Variants in DOCK8 observed in about 807,000 individuals in gnomAD.
DOCK8 encodes the protein dedicator of cytokinesis 8.
A neutral mutation model predicts 245.6 loss-of-function variants in DOCK8; 141 were observed. The observed-to-expected ratio is 0.57, with a 90% CI of 0.50 to 0.66. DOCK8 has a LOEUF of 0.66. DOCK8 is among the 30% of genes least tolerant of loss of function. The probability of loss-of-function intolerance (pLI) is 0.00; values close to 1 mark genes in which losing one functional copy is unlikely to be tolerated. For missense variants in DOCK8, 2,965 were observed against 2,603.4 expected (o/e 1.14, Z -3.02); for synonymous variants, 1,168 against 970.2 (o/e 1.20, Z -3.79).
intron 15 of DOCK8, chr9:369,802 G>T: frequency 4.1e-6 from 1 of 242,966 alleles, no homozygotes; most frequent in Non-Finnish European, 8.1e-6. Flanking sequence ...TGTAGTCCCA[G>T]CACTTTTTTT....
At chr9:442,956 A>G (rs2131820561) in intron 42 of DOCK8, among the ~76,000 whole-genome samples, 1 of 152,338 alleles carries the variant, frequency 6.6e-6, no homozygotes, top group African/African-American at 2.4e-5. Context: ...TGGCTGGGTG[A>G]GTTGCCCCAA....
chr9:244,011 C>T (rs984216500), intron 1 of DOCK8, among the ~76,000 whole-genome samples: 13 of 151,704 alleles, frequency 8.6e-5, no homozygotes, highest in African/African-American at 2.2e-4. Flanking sequence ...GGTGAAACCC[C>T]GTCTCTACTA....
At chr9:382,232 A>G (rs2053749152) in intron 21 of DOCK8, among the ~76,000 whole-genome samples, 1 of 152,142 alleles carries the variant, frequency 6.6e-6, no homozygotes, top group South Asian at 2.1e-4. Flanking sequence ...CCATTTCCCG[A>G]TGGCAGTAAT....
chr9:415,969 G>C (rs2055987583), intron 29 of DOCK8, among the ~76,000 whole-genome samples: 1 of 152,178 alleles, frequency 6.6e-6, no homozygotes, highest in Non-Finnish European at 1.5e-5. Context: ...ATGAAAATGG[G>C]ACCAAACGCC....
At chr9:374,227 G>T (rs1343597778) in intron 18 of DOCK8, among the ~76,000 whole-genome samples, 1 of 152,100 alleles carries the variant, frequency 6.6e-6, no homozygotes, top group Non-Finnish European at 1.5e-5. Flanking sequence ...CTTTAAACCT[G>T]CACTGTCTGA....
chr9:248,046 A>G (rs2047549506), intron 1 of DOCK8, among the ~76,000 whole-genome samples: 2 of 152,132 alleles, frequency 1.3e-5, no homozygotes. Flanking sequence ...TGAAACTTTA[A>G]TATGTCCGAG....
intron 1 of DOCK8, among the ~76,000 whole-genome samples, chr9:257,985 A>G (rs492934): frequency 0.48 from 73,604 of 152,062 alleles, 18,224 homozygotes; most frequent in East Asian, 0.8. Context: ...TGTGCATGAA[A>G]ATACAACAAC....
intron 26 of DOCK8, among the ~76,000 whole-genome samples, chr9:400,841 A>T (rs867855004): frequency 3.3e-4 from 21 of 63,204 alleles, no homozygotes; most frequent in East Asian, 9.0e-4. Context: ...CATCACCACC[A>T]CCTCCACCAT....
intron 1 of DOCK8, among the ~76,000 whole-genome samples, chr9:247,368 C>G (rs1417191025): frequency 6.6e-6 from 1 of 152,122 alleles, no homozygotes; most frequent in Non-Finnish European, 1.5e-5. Context: ...GTGGAATTTA[C>G]TTGAATTTCC....
In DOCK8 at chr9:424,702, G is replaced by A. The variant is rs939113203; in HGVS notation, c.4242-2183G>A. On this transcript the variant is annotated intron_variant, in intron 33 of 47. Transcript: ENST00000432829. ...TGGGATTACAGGCATGAGCCACTGCGCCTGGTCAGATGGTAAAGCTTTTAA... is the reference window on the plus strand; with the variant it reads ...TGGGATTACAGGCATGAGCCACTGCACCTGGTCAGATGGTAAAGCTTTTAA... 4.6e-5 allele frequency among the ~76,000 whole-genome samples: 7 copies of A among 152,146 alleles called. No homozygotes were observed. In the East Asian group the frequency reaches 7.7e-4, roughly 17 times the overall value.
At chr9:426,208 A>G (rs1297741313) in intron 33 of DOCK8, among the ~76,000 whole-genome samples, 1 of 152,220 alleles carries the variant, frequency 6.6e-6, no homozygotes, top group Non-Finnish European at 1.5e-5. Flanking sequence ...GAAACCTAAT[A>G]GAGGAGCGAG....
chr9:359,222 G>A (rs2052602650), intron 14 of DOCK8, among the ~76,000 whole-genome samples: 1 of 152,204 alleles, frequency 6.6e-6, no homozygotes, highest in South Asian at 2.1e-4. Flanking sequence ...AGCCCTTGTA[G>A]ATATTATAAG....
chr9:312,832 A>C (rs1180351531), intron 6 of DOCK8: 1 of 211,626 alleles, frequency 4.7e-6, no homozygotes, highest in African/African-American at 2.4e-5. Flanking sequence ...ACTGTATAGG[A>C]GGCTCTCAGT....
At chr9:428,250 TAA>T in intron 34 of DOCK8, 110 bp from the exon 35 acceptor site, 1 of 1,562,464 alleles carries the variant, frequency 6.4e-7, no homozygotes, top group Non-Finnish European at 8.8e-7. Flanking sequence ...ACCAAACTCT[TAA>T]GACTCACCAC....
intron 14 of DOCK8, among the ~76,000 whole-genome samples, chr9:353,688 A>G (rs2052286556): frequency 6.6e-6 from 1 of 152,198 alleles, no homozygotes; most frequent in Non-Finnish European, 1.5e-5. Flanking sequence ...AAAAAAAGAA[A>G]AATACAGCAT....
chr9:357,051 T>G (rs958701768), intron 14 of DOCK8, among the ~76,000 whole-genome samples: 17 of 152,226 alleles, frequency 1.1e-4, no homozygotes, highest in African/African-American at 4.1e-4. Context: ...GTCTTTGCTA[T>G]TGAAAACTAG....
At chr9:426,732 C>A (rs1485553547) in intron 33 of DOCK8, among the ~76,000 whole-genome samples, 153 bp from the exon 34 acceptor site, 1 of 152,142 alleles carries the variant, frequency 6.6e-6, no homozygotes, top group African/African-American at 2.4e-5. Flanking sequence ...ACAGAAGGCA[C>A]CTGCACTGTA....
rs2047279997 is a variant in DOCK8 at position 237,459 on chromosome 9, A to C, written c.53+22430A>C. Among the ~76,000 whole-genome samples the C allele has an allele frequency of 2.0e-5, 3 of 152,248 alleles. No individual in the cohort carries two copies. The South Asian group carries it at 6.2e-4, about 31-fold the overall frequency. On this transcript the variant is annotated intron_variant, in intron 1 of 47. Coordinates refer to ENST00000432829, the MANE Select transcript of DOCK8 (RefSeq NM_203447.4). The stretch of plus-strand genomic sequence containing the variant: ...CACTTCAGCTCAGGAGTTCAAGACC[A>C]GCCTGGGCAAAGTGGTGAAACCTAG...
chr9:446,083 C>G (rs899737216), intron 43 of DOCK8, among the ~76,000 whole-genome samples: 1 of 152,222 alleles, frequency 6.6e-6, no homozygotes, highest in Non-Finnish European at 1.5e-5. Context: ...TGCAAACTCT[C>G]ATACCAAGGC....
Sources: allele counts gnomAD v4.1 joint callset (sites outside exome capture counted in the v4.1 genomes callset), GRCh38; gene constraint gnomAD v4.1.1; transcripts MANE v1.5; gene names NCBI Gene and HGNC (gene_info 2026-07-23, HGNC 2026-07-21).